The following IL18 variants were observed in gnomAD, a reference collection of about 807,000 sequenced individuals.
The protein encoded by IL18 is interleukin 18.
A neutral mutation model predicts 14.2 loss-of-function variants in IL18; 8 were observed. That is an observed-to-expected ratio of 0.56 (90% CI 0.33 to 1.01). The LOEUF is 1.01. Among genes scored for constraint, IL18 ranks in the 50% least tolerant of loss-of-function variants. IL18 has a pLI of 0.03. For missense variants in IL18, 166 were observed against 231.1 expected, an observed-to-expected ratio of 0.72 and a Z score of 1.83; for synonymous variants, 67 against 71.0, an observed-to-expected ratio of 0.94 and a Z score of 0.28.
chr11:112,151,349 CTGTATATATACATAGAA>C (rs1443265179), intron 3 of IL18, among the ~76,000 whole-genome samples: 6 of 151,878 alleles, frequency 4.0e-5, no homozygotes, highest in Admixed American at 2.0e-4. Flanking sequence ...ATTTCTGTGT[CTGTATATATACATAGAA>C]AGGAGTGTAG....
At chr11:112,163,262 T>C (rs968670822) in intron 1 of IL18, among the ~76,000 whole-genome samples, 1 of 152,238 alleles carries the variant, frequency 6.6e-6, no homozygotes, top group Non-Finnish European at 1.5e-5. Context: ...TTTCACAAGA[T>C]GACTAACCAT....
At chr11:112,161,158 C>T (rs898431593) in intron 1 of IL18, among the ~76,000 whole-genome samples, 3 of 151,794 alleles carry the variant, frequency 2.0e-5, no homozygotes, top group Non-Finnish European at 4.4e-5. Flanking sequence ...TTAAAACAGA[C>T]ATAAAAATTT....
chr11:112,143,959 GT>G (rs1159711113), intron 5 of IL18, 142 bp from the exon 6 acceptor site: 1 of 602,986 alleles, frequency 1.7e-6, no homozygotes, highest in Non-Finnish European at 2.9e-6. Flanking sequence ...CTGAACAGCA[GT>G]ACTGACCTCC....
chr11:112,146,750 C>T (rs1441110046), intron 5 of IL18, among the ~76,000 whole-genome samples: 1 of 151,424 alleles, frequency 6.6e-6, no homozygotes. Context: ...ACTCTCTCCC[C>T]CCCTCCAACT....
intron 5 of IL18, among the ~76,000 whole-genome samples, chr11:112,148,258 A>G (rs947187178): frequency 6.6e-6 from 1 of 152,216 alleles, no homozygotes; most frequent in African/African-American, 2.4e-5. Context: ...GTCACATGTT[A>G]TTCTTAAATG....
rs5744268 is a variant in IL18, at chr11:112,147,224, C to T, written c.360+1379G>A. Among the ~76,000 whole-genome samples the T allele has an allele frequency of 4.9e-3, 753 of 152,260 alleles. 12 individuals carry two copies. Among genetic ancestry groups the T allele is most frequent in the African/African-American group, 0.017 (706 of 41,548 alleles). On this transcript the variant is annotated intron_variant, in intron 5 of 5. Transcript: ENST00000280357. ...GGATTACAGGTGTGAGCCACCACGC[C>T]CAGCCACATTCTTTTTCTTTAAAAG...
chr11:112,146,164 T>C (rs74568246), intron 5 of IL18, among the ~76,000 whole-genome samples: 9 of 151,620 alleles, frequency 5.9e-5, no homozygotes, highest in African/African-American at 1.9e-4. Flanking sequence ...TATAGATACA[T>C]ATATACATGT....
chr11:112,145,515 G>A (rs535135649), intron 5 of IL18, among the ~76,000 whole-genome samples: 167 of 152,268 alleles, frequency 1.1e-3, no homozygotes, highest in Non-Finnish European at 2.0e-3. Context: ...TGAGGCGGGC[G>A]GATCACAAGT....
chr11:112,158,304 T>C (rs1866568976), intron 1 of IL18, among the ~76,000 whole-genome samples: 2 of 152,166 alleles, frequency 1.3e-5, no homozygotes, highest in Admixed American at 6.5e-5. Context: ...AACTTTTCTT[T>C]GGAAAAAACG....
At chr11:112,162,439 G>A (rs1467762675) in intron 1 of IL18, among the ~76,000 whole-genome samples, 1 of 151,692 alleles carries the variant, frequency 6.6e-6, no homozygotes, top group African/African-American at 2.4e-5. Flanking sequence ...GACCTCCTGG[G>A]CTCAAGTGAT....
intron 3 of IL18, among the ~76,000 whole-genome samples, chr11:112,152,845 T>G (rs932948889): frequency 6.6e-6 from 1 of 152,258 alleles, no homozygotes; most frequent in Non-Finnish European, 1.5e-5. Flanking sequence ...AAAAATTCTC[T>G]ATCTTATTCA....
chr11:112,156,595 C>T (rs1866536798), intron 1 of IL18, among the ~76,000 whole-genome samples: 1 of 151,988 alleles, frequency 6.6e-6, no homozygotes, highest in South Asian at 2.1e-4. Flanking sequence ...AGATGCGTGC[C>T]ACCACACCCA....
chr11:112,149,735 C>T (rs2135312954), intron 4 of IL18, among the ~76,000 whole-genome samples: 1 of 151,944 alleles, frequency 6.6e-6, no homozygotes, highest in South Asian at 2.1e-4. Flanking sequence ...ATAGATGCCA[C>T]CACACCTGGT....
intron 3 of IL18, among the ~76,000 whole-genome samples, chr11:112,152,170 C>A (rs1308894450): frequency 6.6e-6 from 1 of 152,198 alleles, no homozygotes; most frequent in East Asian, 1.9e-4. Flanking sequence ...ACACCAAAAC[C>A]TGCTCTTCCT....
At chr11:112,155,958 AC>A (rs1250827591) in intron 1 of IL18, among the ~76,000 whole-genome samples, 1 of 152,150 alleles carries the variant, frequency 6.6e-6, no homozygotes, top group Non-Finnish European at 1.5e-5. Context: ...TAATAGAAAT[AC>A]CTATTTTCTG....
intron 3 of IL18, among the ~76,000 whole-genome samples, chr11:112,152,553 G>C (rs1866460160): frequency 6.6e-6 from 1 of 152,130 alleles, no homozygotes; most frequent in Non-Finnish European, 1.5e-5. Context: ...CCTTGCACTT[G>C]GTGTGGCCAT....
At chr11:112,145,592 A>C (rs1866322708) in intron 5 of IL18, among the ~76,000 whole-genome samples, 1 of 152,128 alleles carries the variant, frequency 6.6e-6, no homozygotes, top group African/African-American at 2.4e-5. Context: ...ACAAAAAATT[A>C]GCTGGGCATG....
chr11:112,160,668 C>A (rs534016796), intron 1 of IL18, among the ~76,000 whole-genome samples: 2 of 151,970 alleles, frequency 1.3e-5, no homozygotes, highest in African/African-American at 4.8e-5. Context: ...ATGACAACAG[C>A]GTAGAAAGGG....
intron 4 of IL18, among the ~76,000 whole-genome samples, chr11:112,149,869 C>A (rs1000833833): frequency 2.6e-5 from 4 of 152,068 alleles, no homozygotes; most frequent in African/African-American, 9.7e-5. Flanking sequence ...AGAGGCATGA[C>A]CCCTAGCAAT....
Sources: allele counts gnomAD v4.1 joint callset (sites outside exome capture counted in the v4.1 genomes callset), GRCh38; gene constraint gnomAD v4.1.1; transcripts MANE v1.5; gene names NCBI Gene and HGNC (gene_info 2026-07-23, HGNC 2026-07-21).